TSHZ2: variants seen among roughly 807,000 people sequenced by gnomAD.
The protein encoded by TSHZ2 is teashirt homolog 2.
Under a neutral mutation model 74.4 loss-of-function variants are expected in TSHZ2, and 21 were observed. The observed-to-expected ratio is 0.28, with a 90% CI of 0.20 to 0.41. The LOEUF (loss-of-function observed/expected upper bound fraction) is 0.41. Among genes scored for constraint, TSHZ2 ranks in the 10% least tolerant of loss-of-function variants. The pLI is 1.00. For synonymous variants in TSHZ2, 540 were observed against 515.3 expected (o/e 1.05, Z -0.65); for missense variants, 1,244 against 1,293.5 (o/e 0.96, Z 0.59).
At chr20:53,338,507 C>A (rs1251887487) in intron 2 of TSHZ2, among the ~76,000 whole-genome samples, 2 of 152,186 alleles carry the variant, frequency 1.3e-5, no homozygotes, top group Admixed American at 1.3e-4. Flanking sequence ...ACTGCCCACA[C>A]TAACTTGAAA....
intron 1 of TSHZ2, among the ~76,000 whole-genome samples, chr20:53,215,983 G>A (rs1203414830): frequency 1.3e-5 from 2 of 151,982 alleles, no homozygotes; most frequent in South Asian, 2.1e-4. Flanking sequence ...TTTCCCCTAA[G>A]GCCAAACACC....
intron 1 of TSHZ2, among the ~76,000 whole-genome samples, chr20:53,003,723 G>C (rs1054230684): frequency 6.6e-6 from 1 of 152,108 alleles, no homozygotes; most frequent in Non-Finnish European, 1.5e-5. Flanking sequence ...TCCGTTGTCT[G>C]TGCTGATAGA....
chr20:53,343,633 T>C (rs1276561569), intron 2 of TSHZ2, among the ~76,000 whole-genome samples: 1 of 152,202 alleles, frequency 6.6e-6, no homozygotes, highest in Non-Finnish European at 1.5e-5. Context: ...CCCTTGATTT[T>C]CATATCAGTG....
intron 2 of TSHZ2, among the ~76,000 whole-genome samples, chr20:53,349,118 C>A (rs1980547794): frequency 1.3e-5 from 2 of 152,224 alleles, no homozygotes; most frequent in Admixed American, 1.3e-4. Flanking sequence ...CAAAGTGGAG[C>A]ATGGTCTAAG....
intron 1 of TSHZ2, among the ~76,000 whole-genome samples, chr20:53,250,709 T>C (rs1379633289): frequency 1.3e-5 from 2 of 151,956 alleles, no homozygotes; most frequent in Admixed American, 1.3e-4. Context: ...AAGCAGAAAA[T>C]TTTATCTGTA....
chr20:53,424,702 T>A (rs1263432870), intron 2 of TSHZ2, among the ~76,000 whole-genome samples: 1 of 152,158 alleles, frequency 6.6e-6, no homozygotes, highest in Non-Finnish European at 1.5e-5. Context: ...TTAGCTATTT[T>A]TCCTGATGCT....
intron 2 of TSHZ2, among the ~76,000 whole-genome samples, chr20:53,418,192 A>G (rs1983340707): frequency 6.6e-6 from 1 of 152,152 alleles, no homozygotes; most frequent in South Asian, 2.1e-4. Flanking sequence ...TCTGCTTTCC[A>G]TGTGTTCCCC....
At chr20:53,191,545 C>G (rs1241457623) in intron 1 of TSHZ2, among the ~76,000 whole-genome samples, 1 of 152,214 alleles carries the variant, frequency 6.6e-6, no homozygotes, top group Non-Finnish European at 1.5e-5. Context: ...TGGCTGTAGT[C>G]TCAGCCACTT....
At chr20:53,382,197 T>A (rs1363732382) in intron 2 of TSHZ2, among the ~76,000 whole-genome samples, 1 of 152,168 alleles carries the variant, frequency 6.6e-6, no homozygotes, top group Admixed American at 6.5e-5. Context: ...TATCCCAGTA[T>A]CTTACTCTCT....
intron 1 of TSHZ2, among the ~76,000 whole-genome samples, chr20:53,028,814 G>A (rs528322578): frequency 5.1e-4 from 78 of 152,244 alleles, no homozygotes; most frequent in African/African-American, 1.6e-3. Flanking sequence ...CTAGAGCTGG[G>A]TTCATTAACT....
chr20:53,473,131 A>G (rs1451900254), intron 2 of TSHZ2, among the ~76,000 whole-genome samples: 5 of 147,152 alleles, frequency 3.4e-5, no homozygotes, highest in African/African-American at 1.3e-4. Flanking sequence ...GCAGCCGGGA[A>G]GCTCCAACTG....
At chr20:53,031,448 G>A (rs960099858) in intron 1 of TSHZ2, among the ~76,000 whole-genome samples, 2 of 152,194 alleles carry the variant, frequency 1.3e-5, no homozygotes, top group African/African-American at 2.4e-5. Context: ...AAGAAGACAA[G>A]TGAGACAACA....
chr20:53,090,797 G>A (rs771806444), intron 1 of TSHZ2, among the ~76,000 whole-genome samples: 3 of 152,186 alleles, frequency 2.0e-5, no homozygotes, highest in Non-Finnish European at 2.9e-5. Flanking sequence ...CACTAATGCT[G>A]TGTGTGCACA....
intron 2 of TSHZ2, among the ~76,000 whole-genome samples, chr20:53,474,758 A>G (rs1985939145): frequency 7.7e-6 from 1 of 129,148 alleles, no homozygotes; most frequent in Non-Finnish European, 1.6e-5. Flanking sequence ...GTATTCAGGA[A>G]ACCCATCTCA....
chr20:53,030,260 G>T (rs6022231), intron 1 of TSHZ2, among the ~76,000 whole-genome samples: 10,865 of 151,844 alleles, frequency 0.072, 542 homozygotes, highest in East Asian at 0.17. Context: ...CCCACCTGGT[G>T]GTTGATTTTT....
intron 2 of TSHZ2, among the ~76,000 whole-genome samples, chr20:53,292,684 A>G (rs1324313867): frequency 6.6e-6 from 1 of 152,026 alleles, no homozygotes; most frequent in African/African-American, 2.4e-5. Flanking sequence ...TTCTGGCTAC[A>G]ATTTCCTTTT....
At chr20:52,993,726 A>G (rs1195242079) in intron 1 of TSHZ2, among the ~76,000 whole-genome samples, 1 of 152,234 alleles carries the variant, frequency 6.6e-6, no homozygotes, top group Non-Finnish European at 1.5e-5. Context: ...TGAAAGAAAA[A>G]AATAATAAAT....
At chr20:53,198,355 G>A (rs1988922853) in intron 1 of TSHZ2, 1 of 152,192 alleles carries the variant, frequency 6.6e-6, no homozygotes, top group Non-Finnish European at 1.5e-5. Context: ...CATGAACTGA[G>A]TACCTCTGGA....
intron 1 of TSHZ2, among the ~76,000 whole-genome samples, chr20:53,113,336 C>T (rs1310154085): frequency 6.6e-6 from 1 of 152,146 alleles, no homozygotes; most frequent in African/African-American, 2.4e-5. Flanking sequence ...TGTTTGTTCC[C>T]CCTCTGTACT....
Sources: gnomAD v4.1 joint callset for allele counts (sites outside exome capture counted in the v4.1 genomes callset) on GRCh38, gnomAD v4.1.1 for gene constraint, MANE v1.5 for transcripts, NCBI Gene and HGNC (gene_info 2026-07-23, HGNC 2026-07-21) for gene names.